Variants in RNF17 observed in about 807,000 individuals in gnomAD.
RNF17 encodes the protein ring finger protein 17.
Under a neutral mutation model 200.5 loss-of-function variants are expected in RNF17, and 31 were observed. The ratio of observed to expected loss-of-function variants is 0.15; its 90% CI spans 0.12 to 0.21. RNF17 has a LOEUF of 0.21. Among genes scored for constraint, RNF17 ranks in the 10% least tolerant of loss-of-function variants. The pLI, the probability that RNF17 is intolerant of heterozygous loss-of-function variation, is 1.00. For missense variants in RNF17, 1,628 were observed against 1,905.1 expected (o/e 0.85, Z 2.71); for synonymous variants, 606 against 637.8 (o/e 0.95, Z 0.75).
the RNF17 span, chr13:24,885,480 A>G: frequency 8.5e-7 from 1 of 1,169,774 alleles, no homozygotes; most frequent in Non-Finnish European, 1.3e-6. Flanking sequence ...TTTACAAAAT[A>G]TAACATTTAT....
chr13:24,824,794 A>T (rs1488755016), intron 15 of RNF17, among the ~76,000 whole-genome samples: 1 of 152,238 alleles, frequency 6.6e-6, no homozygotes, highest in African/African-American at 2.4e-5. Flanking sequence ...ACAAGGGCAT[A>T]AACAGAACTA....
chr13:24,812,884 G>C (rs1886895831), intron 15 of RNF17, among the ~76,000 whole-genome samples: 1 of 151,924 alleles, frequency 6.6e-6, no homozygotes, highest in Admixed American at 6.6e-5. Flanking sequence ...GGGTTTCACT[G>C]TGTTAGCCAG....
the RNF17 span, chr13:24,885,851 A>G: frequency 1.7e-6 from 1 of 599,010 alleles, no homozygotes; most frequent in Non-Finnish European, 3.0e-6. Context: ...TAAGTCCTAG[A>G]TGTCCAAGAA....
At chr13:24,885,307 A>T in the RNF17 span, 2 of 1,613,232 alleles carry the variant, frequency 1.2e-6, no homozygotes, top group African/African-American at 2.7e-5. Flanking sequence ...TTCTCCCTGT[A>T]TGTCTTGGTC....
chr13:24,826,185 C>T (rs1888609668), intron 16 of RNF17: 1 of 684,698 alleles, frequency 1.5e-6, no homozygotes, highest in Admixed American at 6.3e-5. Context: ...ATTGACTGAA[C>T]TGCTAGTTTT....
At chr13:24,753,432 G>C in the RNF17 span, among the ~76,000 whole-genome samples, 1 of 152,204 alleles carries the variant, frequency 6.6e-6, no homozygotes, top group Non-Finnish European at 1.5e-5. Flanking sequence ...GGTGCTCAAA[G>C]GGCAGGAGAG....
At chr13:24,768,449 T>A (rs982981053) in intron 2 of RNF17, among the ~76,000 whole-genome samples, 1 of 152,056 alleles carries the variant, frequency 6.6e-6, no homozygotes, top group African/African-American at 2.4e-5. Flanking sequence ...CACGCCCGAC[T>A]AATTTTTTGT....
intron 18 of RNF17, among the ~76,000 whole-genome samples, chr13:24,836,229 A>G (rs992708552): frequency 3.9e-5 from 6 of 152,238 alleles, no homozygotes; most frequent in Non-Finnish European, 8.8e-5. Flanking sequence ...AAACTTCCCC[A>G]GCCTTGCTAG....
chr13:24,791,369 G>C (rs1322609720), intron 9 of RNF17, among the ~76,000 whole-genome samples: 2 of 152,164 alleles, frequency 1.3e-5, no homozygotes, highest in Admixed American at 1.3e-4. Context: ...ATCATCAATG[G>C]TTTGTTACGC....
chr13:24,809,565 A>G (rs1187392741), intron 15 of RNF17, among the ~76,000 whole-genome samples: 2 of 151,706 alleles, frequency 1.3e-5, no homozygotes, highest in African/African-American at 2.4e-5. Flanking sequence ...CGGTCTATCA[A>G]TTTTGTTGAT....
intron 33 of RNF17, 132 bp from the exon 34 acceptor site, chr13:24,876,865 G>T: frequency 4.8e-6 from 3 of 620,636 alleles, no homozygotes; most frequent in Non-Finnish European, 8.1e-6. Flanking sequence ...TTTTTCTCAT[G>T]CTTTTGGTGT....
intron 15 of RNF17, among the ~76,000 whole-genome samples, chr13:24,818,582 T>C (rs183288888): frequency 1.3e-5 from 2 of 152,298 alleles, no homozygotes; most frequent in Admixed American, 1.3e-4. Flanking sequence ...GCATAATTGC[T>C]TATAATTGTT....
In RNF17 at chr13:24,815,431, GTGTGTGT is replaced by G. The variant is rs1566172099; in HGVS notation, c.2092-10187_2092-10181del. Among the ~76,000 whole-genome samples the G allele has an allele frequency of 5.8e-3, 67 of 11,526 alleles. 1 individual carries two copies. The highest frequency in any genetic ancestry group is 0.011 in the African/African-American group (58 of 5,440). The allele number at this position is 11,526 out of a possible 152,430, so 7.6% of individuals were successfully genotyped here. ...ATTAATTTGGTAGCCCTAACGGGGT[GTGTGTGT>G]GTGTGTGTGTGTGTGTGTGTGTGTG... On this transcript the variant is annotated intron_variant, in intron 15 of 35. Coordinates refer to ENST00000255324, the MANE Select transcript of RNF17 (RefSeq NM_031277.3).
chr13:24,858,747 G>A (rs2138291166), intron 25 of RNF17, among the ~76,000 whole-genome samples: 1 of 151,978 alleles, frequency 6.6e-6, no homozygotes, highest in Admixed American at 6.6e-5. Flanking sequence ...TTTTGAATTG[G>A]TAGTACTTTC....
At chr13:24,867,564 A>C (rs905849783) in intron 30 of RNF17, among the ~76,000 whole-genome samples, 3 of 152,068 alleles carry the variant, frequency 2.0e-5, no homozygotes, top group African/African-American at 7.2e-5. Context: ...CTAGGTTCAA[A>C]CTTTTTTTTT....
chr13:24,885,833 C>A, the RNF17 span: 74 of 632,340 alleles, frequency 1.2e-4, no homozygotes, highest in Non-Finnish European at 2.0e-4. Flanking sequence ...TTCTCCGACA[C>A]AGGTACTTAA....
upstream of RNF17, among the ~76,000 whole-genome samples, chr13:24,762,300 C>T (rs577176115): frequency 8.9e-4 from 129 of 144,194 alleles, no homozygotes; most frequent in African/African-American, 3.2e-3. Flanking sequence ...AACCCGGAGA[C>T]CAAGGTTGCA....
At chr13:24,819,866 C>G (rs752625037) in intron 15 of RNF17, among the ~76,000 whole-genome samples, 4 of 152,146 alleles carry the variant, frequency 2.6e-5, no homozygotes, top group Non-Finnish European at 5.9e-5. Context: ...GAGGTACTGT[C>G]TAGTGTCCTC....
the RNF17 span, chr13:24,751,548 CTT>C: frequency 6.6e-6 from 1 of 151,850 alleles, no homozygotes; most frequent in South Asian, 2.1e-4. Context: ...TATTTTTTTT[CTT>C]TTTTATATGA....
Sources: gnomAD v4.1 joint callset for allele counts (sites outside exome capture counted in the v4.1 genomes callset) on GRCh38, gnomAD v4.1.1 for gene constraint, MANE v1.5 for transcripts, NCBI Gene and HGNC (gene_info 2026-07-23, HGNC 2026-07-21) for gene names.